The following NRDE2 variants were observed in gnomAD, a reference collection of about 807,000 sequenced individuals.
The protein encoded by NRDE2 is NRDE-2, necessary for RNA interference, domain containing.
NRDE2 carries 76 observed loss-of-function variants against 124.2 expected under a neutral mutation model. That is an observed-to-expected ratio of 0.61 (90% CI 0.51 to 0.74). NRDE2 has a LOEUF of 0.74. Among genes scored for constraint, NRDE2 ranks in the 30% least tolerant of loss-of-function variants. The pLI is 0.00. For missense variants in NRDE2, 1,314 were observed against 1,417.3 expected (o/e 0.93, Z 1.17); for synonymous variants, 489 against 528.1 (o/e 0.93, Z 1.01).
In NRDE2 at chr14:90,271,916, TAG is replaced by T. The variant is rs1891678567; in HGVS notation, c.*6418_*6419del. 6.7e-6 allele frequency: 1 copy of T among 148,524 alleles called. No homozygotes were observed. Among genetic ancestry groups the T allele is most frequent in the South Asian group, 2.1e-4 (1 of 4,856 alleles). 9.2% of individuals were successfully genotyped at this position (148,524 alleles called of 1,614,324 possible). Reference sequence around the variant, plus strand: ...GATTTTTTTTTTTTTTTTTTTGAGGTAGAGTTTCGCTCGTTGCTCAGGCTAGA... The same window carrying T: ...GATTTTTTTTTTTTTTTTTTTGAGGTAGTTTCGCTCGTTGCTCAGGCTAGA... On this transcript the variant is annotated 3_prime_UTR_variant, in exon 14 of 14. Transcript: ENST00000354366.
chr14:90,286,526 A>C, intron 11 of NRDE2, 34 bp from the exon 12 acceptor site: 2 of 1,604,016 alleles, frequency 1.2e-6, no homozygotes, highest in Non-Finnish European at 1.7e-6. Flanking sequence ...CTCTGACACA[A>C]GCTCTCTCAT....
At position 90,270,365 on chromosome 14, in the gene NRDE2, C is replaced by A; in HGVS notation, c.*7971G>T. 6.2e-7 allele frequency: 1 copy of A among 1,608,006 alleles called. No homozygotes were observed. On this transcript the variant is annotated 3_prime_UTR_variant, in exon 14 of 14. Coordinates refer to ENST00000354366, the MANE Select transcript of NRDE2 (RefSeq NM_017970.4). ...TGCTGACATCAAGGTGAGAGCCTAGCCGTGTCAGCTTATTTCTGGGAATGT... is the reference window on the plus strand; with the variant it reads ...TGCTGACATCAAGGTGAGAGCCTAGACGTGTCAGCTTATTTCTGGGAATGT...
At chr14:90,300,551 T>C (rs1358788146) in intron 7 of NRDE2, among the ~76,000 whole-genome samples, 3 of 151,922 alleles carry the variant, frequency 2.0e-5, no homozygotes, top group African/African-American at 4.8e-5. Context: ...CTTATATACA[T>C]AGCTCTATAA....
At chr14:90,303,560 C>T (rs113101809) in intron 5 of NRDE2, among the ~76,000 whole-genome samples, 4 of 152,294 alleles carry the variant, frequency 2.6e-5, no homozygotes, top group African/African-American at 7.2e-5. Context: ...TTCACAATTC[C>T]GTGAGCTCTG....
chr14:90,331,777 C>T, intron 1 of NRDE2, 64 bp downstream of exon 1: 1 of 1,538,534 alleles, frequency 6.5e-7, no homozygotes, highest in South Asian at 1.1e-5. Flanking sequence ...AAGTCTAGAC[C>T]TGGGCCCGAG....
At chr14:90,300,736 T>A (rs911793930) in intron 7 of NRDE2, among the ~76,000 whole-genome samples, 2 of 146,568 alleles carry the variant, frequency 1.4e-5, no homozygotes, top group African/African-American at 2.6e-5. Context: ...ACTGAGGAAG[T>A]GATGCAAGAC....
chr14:90,278,215 A>G lies in NRDE2; in HGVS notation c.*121T>C. The G allele has an allele frequency of 8.4e-7, 1 of 1,197,498 alleles. No homozygotes were observed. Among genetic ancestry groups the G allele is most frequent in the South Asian group, 1.4e-5 (1 of 72,084 alleles). The allele number at this position is 1,197,498 out of a possible 1,614,324, so 74.2% of individuals were successfully genotyped here. On this transcript the variant is annotated 3_prime_UTR_variant, in exon 14 of 14. Transcript: ENST00000354366. ...GAGGCTGGCAGCCCACATTATTACT[A>G]TCGAGAAAGAACATTTCAAAAGCCG...
intron 11 of NRDE2, 81 bp from the exon 12 acceptor site, chr14:90,286,573 TAA>T: frequency 6.6e-7 from 1 of 1,513,718 alleles, no homozygotes; most frequent in East Asian, 2.3e-5. Flanking sequence ...TGAGTGATGA[TAA>T]GTGTCAGCAA....
intron 4 of NRDE2, among the ~76,000 whole-genome samples, chr14:90,311,277 C>G (rs1414629140): frequency 6.6e-6 from 1 of 152,114 alleles, no homozygotes. Flanking sequence ...TTATGTTCCC[C>G]ACGGTTTCTC....
In NRDE2 at chr14:90,286,435, G is replaced by C. The variant is rs773877964; in HGVS notation, c.3216C>G (p.Ile1072Met). Residue 1072 changes from isoleucine (I) to methionine (M), a missense_variant, in exon 12 of 14, where the codon ATC becomes ATG. Transcript: ENST00000354366. ...GCATGGCATTTTCAAACAGGGCTTG[G>C]ATCCGATGCATTAAGCCGGTCTCAG... is the stretch of plus-strand genomic sequence containing the variant. ...TIPETGLMHRIQALFENAMRS... is the reference protein window; with the variant it reads ...TIPETGLMHRMQALFENAMRS... 9 of 1,614,072 alleles carry C rather than the reference G, an allele frequency of 5.6e-6. No individual in the cohort carries two copies. In the African/African-American group the frequency reaches 1.1e-4, roughly 19 times the overall value.
intron 5 of NRDE2, among the ~76,000 whole-genome samples, chr14:90,303,655 C>T (rs1004297427): frequency 3.3e-5 from 5 of 152,126 alleles, no homozygotes; most frequent in Non-Finnish European, 5.9e-5. Flanking sequence ...TCACCTTCTC[C>T]TTGGTAGCTC....
At chr14:90,282,731 G>A (rs1459610221) in intron 12 of NRDE2, among the ~76,000 whole-genome samples, 1 of 151,722 alleles carries the variant, frequency 6.6e-6, no homozygotes, top group African/African-American at 2.4e-5. Flanking sequence ...GCGGTGGCGC[G>A]ATCTCGGCTC....
rs1212762735 is a variant in NRDE2, at chr14:90,268,368, C to T, written c.*9968G>A. ...TTCCGAGTTGCTGAAGAACATGCACCGTCCATCGTGTTTATTGATGAAATT... is the reference window on the plus strand; with the variant it reads ...TTCCGAGTTGCTGAAGAACATGCACTGTCCATCGTGTTTATTGATGAAATT... On this transcript the variant is annotated 3_prime_UTR_variant, in exon 14 of 14. Transcript: ENST00000354366. 6 of 1,613,270 alleles carry T rather than the reference C, an allele frequency of 3.7e-6. No individual in the cohort carries two copies. The highest frequency in any genetic ancestry group is 4.2e-6 in the Non-Finnish European group (5 of 1,179,728).
intron 12 of NRDE2, among the ~76,000 whole-genome samples, chr14:90,282,129 A>G (rs984812572): frequency 1.3e-5 from 2 of 152,228 alleles, no homozygotes; most frequent in Non-Finnish European, 2.9e-5. Context: ...GTAGATGACC[A>G]AATTAAAGGA....
rs542155658 is a variant in NRDE2, at chr14:90,276,241, C to T, written c.*2095G>A. The T allele has an allele frequency of 3.8e-4, 39 of 102,910 alleles. No individual in the cohort carries two copies. The highest frequency in any genetic ancestry group is 1.3e-3 in the African/African-American group (35 of 27,492). 6.4% of individuals were successfully genotyped at this position (102,910 alleles called of 1,614,324 possible). ...TGTTTTTTTTTTTTTTTTTTCGAGA[C>T]GGAGTCTTGCTGTGTCGCCCAGGCT... On this transcript the variant is annotated 3_prime_UTR_variant, in exon 14 of 14. Transcript: ENST00000354366.
intron 8 of NRDE2, among the ~76,000 whole-genome samples, chr14:90,294,683 G>C (rs1335596876): frequency 1.3e-5 from 2 of 152,128 alleles, no homozygotes; most frequent in Non-Finnish European, 2.9e-5. Context: ...TGGGGGGAGG[G>C]AGAAGTGAGG....
chr14:90,302,596 A>G, intron 6 of NRDE2, 124 bp downstream of exon 6: 1 of 1,122,120 alleles, frequency 8.9e-7, no homozygotes, highest in Non-Finnish European at 1.2e-6. Flanking sequence ...TTTTTTAAAA[A>G]AATCAGTTCT....
intron 12 of NRDE2, among the ~76,000 whole-genome samples, chr14:90,284,797 A>C (rs1311036791): frequency 6.6e-6 from 1 of 152,244 alleles, no homozygotes; most frequent in Non-Finnish European, 1.5e-5. Flanking sequence ...ACTTGGCAAC[A>C]GATGTGTTAC....
intron 1 of NRDE2, among the ~76,000 whole-genome samples, chr14:90,329,958 G>C (rs893569351): frequency 9.2e-5 from 14 of 151,670 alleles, no homozygotes; most frequent in Admixed American, 6.6e-5. Context: ...TGTAATCCCA[G>C]CACTTTGGGA....
Sources: allele counts gnomAD v4.1 joint callset (sites outside exome capture counted in the v4.1 genomes callset), GRCh38; gene constraint gnomAD v4.1.1; transcripts MANE v1.5; gene names NCBI Gene and HGNC (gene_info 2026-07-23, HGNC 2026-07-21).